Variants in ZMAT4 observed in about 807,000 individuals in gnomAD.
The protein encoded by ZMAT4 is zinc finger matrin-type protein 4.
A neutral mutation model predicts 28.7 loss-of-function variants in ZMAT4; 17 were observed. The observed-to-expected ratio is 0.59, with a 90% CI of 0.41 to 0.89. The LOEUF is 0.89. ZMAT4 is among the 40% of genes least tolerant of loss of function. The pLI, the probability that ZMAT4 is intolerant of heterozygous loss-of-function variation, is 0.00. For missense variants in ZMAT4, 240 were observed against 283.8 expected, an observed-to-expected ratio of 0.85 and a Z score of 1.11; for synonymous variants, 117 against 109.2, an observed-to-expected ratio of 1.07 and a Z score of -0.44.
intron 3 of ZMAT4, among the ~76,000 whole-genome samples, chr8:40,738,974 T>C (rs574157484): frequency 6.6e-6 from 1 of 152,360 alleles, no homozygotes; most frequent in Admixed American, 6.5e-5. Context: ...AAACAATTTG[T>C]ATGTTAGATT....
intron 3 of ZMAT4, among the ~76,000 whole-genome samples, chr8:40,706,428 T>C (rs982102731): frequency 7.9e-5 from 12 of 152,190 alleles, no homozygotes; most frequent in Non-Finnish European, 1.3e-4. Context: ...AATACATAAA[T>C]AAATTCCCAA....
At chr8:40,569,409 G>C (rs7819143) in intron 6 of ZMAT4, among the ~76,000 whole-genome samples, 16,547 of 152,130 alleles carry the variant, frequency 0.11, 1,154 homozygotes, top group Admixed American at 0.2. Flanking sequence ...GTCAGCTATA[G>C]ATAGTTTACA....
At position 40,826,647 on chromosome 8, in the gene ZMAT4, G is replaced by A. The variant is rs184578231; in HGVS notation, c.-4-967C>T. Reference sequence around the variant, plus strand: ...CTTGTAACCCCATACTTTGCAACACGGGGAGACCTCACTATTCAAGCTGAC... The same window carrying A: ...CTTGTAACCCCATACTTTGCAACACAGGGAGACCTCACTATTCAAGCTGAC... On this transcript the variant is annotated intron_variant, in intron 1 of 6. Coordinates refer to ENST00000297737, the MANE Select transcript of ZMAT4 (RefSeq NM_024645.3). 2.0e-3 allele frequency among the ~76,000 whole-genome samples: 297 copies of A among 152,094 alleles called. 1 individual carries two copies. Among genetic ancestry groups the A allele is most frequent in the African/African-American group, 6.9e-3 (286 of 41,460 alleles).
At chr8:40,688,535 T>TGGTA (rs1033865077) in intron 4 of ZMAT4, among the ~76,000 whole-genome samples, 13 of 152,258 alleles carry the variant, frequency 8.5e-5, no homozygotes, top group African/African-American at 3.1e-4. Flanking sequence ...TTGCAATTCA[T>TGGTA]GGTACCTCAA....
intron 3 of ZMAT4, among the ~76,000 whole-genome samples, chr8:40,743,457 C>A (rs1272553725): frequency 2.6e-5 from 4 of 152,200 alleles, no homozygotes; most frequent in Non-Finnish European, 4.4e-5. Context: ...ATGTCAGCTT[C>A]GCAAGGGACG....
intron 5 of ZMAT4, among the ~76,000 whole-genome samples, chr8:40,645,623 A>G (rs1169215887): frequency 6.6e-6 from 1 of 152,200 alleles, no homozygotes; most frequent in Non-Finnish European, 1.5e-5. Context: ...TTAGGATGAA[A>G]GTATTCAAGG....
chr8:40,825,735 A>G, intron 1 of ZMAT4, 55 bp from the exon 2 acceptor site: 1 of 1,403,146 alleles, frequency 7.1e-7, no homozygotes, highest in Non-Finnish European at 9.8e-7. Flanking sequence ...ATGTTTATGC[A>G]AGATATTAAC....
chr8:40,819,529 G>T (rs191844005), intron 2 of ZMAT4, among the ~76,000 whole-genome samples: 1 of 152,138 alleles, frequency 6.6e-6, no homozygotes, highest in Non-Finnish European at 1.5e-5. Context: ...CAGGAGCAAA[G>T]CTCTACAGGG....
Position 40,551,393 on chromosome 8 carries a change from T to C in ZMAT4, c.675-19155A>G, listed in dbSNP as rs553917931. Among the ~76,000 whole-genome samples, 143 of 150,442 alleles carry C rather than the reference T, an allele frequency of 9.5e-4. 1 individual carries two copies. The highest frequency in any genetic ancestry group is 3.4e-3 in the African/African-American group (135 of 39,818). On this transcript the variant is annotated intron_variant, in intron 6 of 6. Transcript: ENST00000297737. ...TAAGGATCATGAGAAAGATATCACG[T>C]TGTTCTATTAAACTTTCAATTAAAT... is the stretch of plus-strand genomic sequence containing the variant.
At chr8:40,842,635 G>A (rs1368794375) in intron 1 of ZMAT4, among the ~76,000 whole-genome samples, 1 of 152,156 alleles carries the variant, frequency 6.6e-6, no homozygotes, top group Non-Finnish European at 1.5e-5. Context: ...CAGTGACATA[G>A]AAAGTCCATG....
At chr8:40,716,314 G>A (rs1810853045) in intron 3 of ZMAT4, among the ~76,000 whole-genome samples, 1 of 152,164 alleles carries the variant, frequency 6.6e-6, no homozygotes, top group East Asian at 1.9e-4. Context: ...CAAGCCCTCG[G>A]AGAGAGTCAG....
chr8:40,805,093 A>C (rs1232244160), intron 2 of ZMAT4, among the ~76,000 whole-genome samples: 1 of 152,036 alleles, frequency 6.6e-6, no homozygotes, highest in Admixed American at 6.6e-5. Flanking sequence ...AACTCAAACA[A>C]ATTTACAAGA....
intron 5 of ZMAT4, among the ~76,000 whole-genome samples, chr8:40,589,641 G>T (rs1804785199): frequency 6.6e-6 from 1 of 152,076 alleles, no homozygotes; most frequent in African/African-American, 2.4e-5. Flanking sequence ...AAGCAGAATT[G>T]ATCTTTGTAA....
intron 3 of ZMAT4, among the ~76,000 whole-genome samples, chr8:40,745,217 T>C (rs1030038940): frequency 1.3e-5 from 2 of 152,162 alleles, no homozygotes; most frequent in African/African-American, 2.4e-5. Context: ...GTTGGTGTTA[T>C]TAATCAAATT....
intron 6 of ZMAT4, among the ~76,000 whole-genome samples, chr8:40,564,799 A>T (rs986027311): frequency 6.6e-6 from 1 of 152,196 alleles, no homozygotes; most frequent in Non-Finnish European, 1.5e-5. Flanking sequence ...GAGAAAAGAA[A>T]GACCATTAAT....
At chr8:40,793,633 G>A (rs13282442) in intron 2 of ZMAT4, among the ~76,000 whole-genome samples, 21,722 of 152,158 alleles carry the variant, frequency 0.14, 1,946 homozygotes, top group Non-Finnish European at 0.2. Context: ...CAACGCTTGC[G>A]AACATTTCCA....
chr8:40,879,059 C>T lies in ZMAT4; in HGVS notation c.-5+18624G>A, dbSNP rs530864452. ...AATGAAGTTCAGGGCAGCATGCAAACGAGGACAGGCAATGCACTGTGCCTG... is the reference window on the plus strand; with the variant it reads ...AATGAAGTTCAGGGCAGCATGCAAATGAGGACAGGCAATGCACTGTGCCTG... On this transcript the variant is annotated intron_variant, in intron 1 of 6. Transcript: ENST00000297737. 8.5e-5 allele frequency among the ~76,000 whole-genome samples: 13 copies of T among 152,316 alleles called. No homozygotes were observed. The South Asian group carries it at 1.2e-3, about 15-fold the overall frequency.
At chr8:40,638,913 G>A (rs938706428) in intron 5 of ZMAT4, among the ~76,000 whole-genome samples, 1 of 152,228 alleles carries the variant, frequency 6.6e-6, no homozygotes, top group Non-Finnish European at 1.5e-5. Flanking sequence ...GTGAGTTTAC[G>A]ATAGTTGCAA....
intron 4 of ZMAT4, among the ~76,000 whole-genome samples, chr8:40,689,072 GT>G (rs1809547039): frequency 6.6e-6 from 1 of 152,254 alleles, no homozygotes; most frequent in Non-Finnish European, 1.5e-5. Flanking sequence ...GTCCAAGGTG[GT>G]GGGACCTCCC....
Sources: gnomAD v4.1 joint callset for allele counts (sites outside exome capture counted in the v4.1 genomes callset) on GRCh38, gnomAD v4.1.1 for gene constraint, MANE v1.5 for transcripts, NCBI Gene and HGNC (gene_info 2026-07-23, HGNC 2026-07-21) for gene names.